The following SCFD2 variants were observed in gnomAD, a reference collection of about 807,000 sequenced individuals.
The protein encoded by SCFD2 is sec1 family domain containing 2.
SCFD2 carries 54 observed loss-of-function variants against 58.9 expected under a neutral mutation model. The ratio of observed to expected loss-of-function variants is 0.92; its 90% CI spans 0.74 to 1.15. The LOEUF (loss-of-function observed/expected upper bound fraction) is 1.15. Ranked by LOEUF, SCFD2 falls within the 50% of genes most tolerant of loss-of-function variation. The pLI, the probability that SCFD2 is intolerant of heterozygous loss-of-function variation, is 0.00. For missense variants in SCFD2, 805 were observed against 836.6 expected (o/e 0.96, Z 0.47); for synonymous variants, 321 against 335.9 (o/e 0.96, Z 0.49).
At chr4:52,968,732 C>CTG (rs1036011805) in intron 5 of SCFD2, among the ~76,000 whole-genome samples, 2 of 151,878 alleles carry the variant, frequency 1.3e-5, no homozygotes, top group African/African-American at 2.4e-5. Flanking sequence ...CGGCAACCAA[C>CTG]TGTGTGTGTG....
At chr4:53,260,803 A>T (rs1045199856) in intron 4 of SCFD2, among the ~76,000 whole-genome samples, 1 of 152,068 alleles carries the variant, frequency 6.6e-6, no homozygotes, top group African/African-American at 2.4e-5. Flanking sequence ...AATAGGATTG[A>T]TACCAATTCT....
chr4:52,925,161 T>C (rs914963750), intron 5 of SCFD2, among the ~76,000 whole-genome samples: 13 of 152,064 alleles, frequency 8.5e-5, no homozygotes, highest in African/African-American at 2.4e-4. Flanking sequence ...AATCAGTACA[T>C]GGTAAAGCTA....
At chr4:53,301,202 G>A (rs1398389581) in intron 3 of SCFD2, among the ~76,000 whole-genome samples, 37 of 151,210 alleles carry the variant, frequency 2.4e-4, no homozygotes, top group African/African-American at 8.6e-4. Flanking sequence ...TAGACCGCTA[G>A]CAAGACTAAT....
intron 4 of SCFD2, among the ~76,000 whole-genome samples, chr4:53,201,326 C>T (rs1728229597): frequency 6.6e-6 from 1 of 152,158 alleles, no homozygotes; most frequent in Non-Finnish European, 1.5e-5. Context: ...TTTCCAGCTT[C>T]ATCCATGTCC....
At chr4:53,296,264 T>C (rs770937997) in intron 3 of SCFD2, among the ~76,000 whole-genome samples, 24 of 152,188 alleles carry the variant, frequency 1.6e-4, no homozygotes, top group Non-Finnish European at 2.8e-4. Context: ...ATCTCTCTGG[T>C]CCTGGACTTT....
intron 5 of SCFD2, among the ~76,000 whole-genome samples, chr4:53,016,736 T>C (rs1032862764): frequency 6.6e-6 from 1 of 152,178 alleles, no homozygotes; most frequent in African/African-American, 2.4e-5. Flanking sequence ...CTTGTAGGGA[T>C]TTTTTTAAAA....
intron 4 of SCFD2, among the ~76,000 whole-genome samples, chr4:53,251,479 C>A (rs1364981754): frequency 4.6e-5 from 7 of 152,114 alleles, no homozygotes; most frequent in Non-Finnish European, 1.0e-4. Context: ...ATGCAAAAAT[C>A]CTCAATAAAA....
chr4:53,190,412 C>T (rs375266340), intron 4 of SCFD2, among the ~76,000 whole-genome samples: 2 of 152,264 alleles, frequency 1.3e-5, no homozygotes, highest in African/African-American at 2.4e-5. Flanking sequence ...CTTCTCATCT[C>T]GGGACCTTTG....
chr4:53,215,152 A>G (rs1577851274), intron 4 of SCFD2, among the ~76,000 whole-genome samples: 2 of 152,144 alleles, frequency 1.3e-5, no homozygotes, highest in South Asian at 2.1e-4. Context: ...TTTTGGTTCC[A>G]TATGAACTTT....
intron 4 of SCFD2, among the ~76,000 whole-genome samples, chr4:53,192,911 C>T (rs1727955033): frequency 6.6e-6 from 1 of 151,900 alleles, no homozygotes; most frequent in East Asian, 1.9e-4. Context: ...GATGTTACAC[C>T]AAGAAGGTTT....
At chr4:53,212,343 G>A (rs1224983750) in intron 4 of SCFD2, among the ~76,000 whole-genome samples, 2 of 151,868 alleles carry the variant, frequency 1.3e-5, no homozygotes, top group Non-Finnish European at 2.9e-5. Context: ...AACTCTCAGA[G>A]CACCCAAAGT....
chr4:53,105,251 C>A (rs1577731068), intron 5 of SCFD2, among the ~76,000 whole-genome samples: 1 of 152,252 alleles, frequency 6.6e-6, no homozygotes, highest in East Asian at 1.9e-4. Context: ...AAGCACAAAA[C>A]TGCGCGGCCG....
chr4:52,885,823 A>G lies in SCFD2; in HGVS notation c.1886T>C (p.Phe629Ser), dbSNP rs1488956209. The change falls in exon 8 of 9, where the codon TTT becomes TCT. Residue 629 changes from phenylalanine to serine, a missense_variant. Phe to Ser is a radical substitution (Grantham distance 155). Transcript: ENST00000401642. ...HPSDYPLLIL[F>S]VVGGVTVSEV... ...AGAGACTGTGACCCCACCTACCACA[A>G]AGAGGATCAGGAGGGGGTAGTCACT... 6 of 1,614,056 alleles carry G rather than the reference A, an allele frequency of 3.7e-6. No individual in the cohort carries two copies. In the East Asian group the frequency reaches 1.3e-4, roughly 36 times the overall value.
intron 5 of SCFD2, among the ~76,000 whole-genome samples, chr4:53,052,754 CA>C (rs1299519450): frequency 1.3e-5 from 2 of 152,110 alleles, no homozygotes; most frequent in Non-Finnish European, 2.9e-5. Flanking sequence ...ACAATTGAAA[CA>C]AAATTAGTTA....
intron 3 of SCFD2, among the ~76,000 whole-genome samples, chr4:53,276,311 A>G (rs549435140): frequency 7.2e-5 from 11 of 152,228 alleles, no homozygotes; most frequent in Non-Finnish European, 1.5e-4. Context: ...CTTTTTAGGT[A>G]CGTTAAAAAG....
chr4:53,025,220 T>C (rs1379200315), intron 5 of SCFD2, among the ~76,000 whole-genome samples: 3 of 152,206 alleles, frequency 2.0e-5, no homozygotes, highest in East Asian at 3.8e-4. Context: ...ACATTCAGTT[T>C]TTCAAACTCT....
intron 5 of SCFD2, among the ~76,000 whole-genome samples, chr4:53,058,253 C>A (rs1401288726): frequency 1.3e-5 from 2 of 151,832 alleles, no homozygotes; most frequent in East Asian, 3.9e-4. Context: ...CAAATATTTT[C>A]TTTTTTATGC....
chr4:53,134,969 C>T (rs1358300924), intron 5 of SCFD2, among the ~76,000 whole-genome samples: 2 of 152,000 alleles, frequency 1.3e-5, no homozygotes, highest in Admixed American at 1.3e-4. Context: ...GAGAAGCCTA[C>T]TTCCACTTAA....
intron 3 of SCFD2, among the ~76,000 whole-genome samples, chr4:53,291,473 C>T (rs1431612718): frequency 6.6e-6 from 1 of 151,866 alleles, no homozygotes; most frequent in Non-Finnish European, 1.5e-5. Flanking sequence ...AAGGAAATCA[C>T]AGGACACAAG....
Sources: allele counts gnomAD v4.1 joint callset (sites outside exome capture counted in the v4.1 genomes callset), GRCh38; gene constraint gnomAD v4.1.1; transcripts MANE v1.5; gene names NCBI Gene and HGNC (gene_info 2026-07-23, HGNC 2026-07-21).